IL17B: variants seen among roughly 807,000 people sequenced by gnomAD.
IL17B encodes interleukin-17B.
In IL17B, 14 loss-of-function variants were observed where a neutral mutation model predicts 14.7. The observed-to-expected ratio is 0.95, with a 90% CI of 0.63 to 1.49. IL17B has a LOEUF of 1.49. Ranked by LOEUF, IL17B falls within the 40% of genes most tolerant of loss-of-function variation. The pLI, the probability that IL17B is intolerant of heterozygous loss-of-function variation, is 0.00. For missense variants in IL17B, 233 were observed against 252.8 expected (o/e 0.92, Z 0.53); for synonymous variants, 105 against 94.8 (o/e 1.11, Z -0.62).
intron 1 of IL17B, among the ~76,000 whole-genome samples, chr5:149,393,693 T>TC (rs1160677435): frequency 6.6e-6 from 1 of 152,158 alleles, no homozygotes; most frequent in Non-Finnish European, 1.5e-5. Flanking sequence ...TTCTTTTTTT[T>TC]CTTCCTTCCT....
rs925742943 is a variant in IL17B, at chr5:149,387,606, C to CA, written n.96-10582dup. Among the ~76,000 whole-genome samples the CA allele has an allele frequency of 1.4e-4, 21 of 150,768 alleles. 1 individual carries two copies. Among genetic ancestry groups the CA allele is most frequent in the Admixed American group, 1.3e-4 (2 of 15,094 alleles). On this transcript the variant is annotated intron_variant and non_coding_transcript_variant, in intron 1 of 2. Transcript: ENST00000505432. ...CAACATAGCGAGATCCTCGTCTCTA[C>CA]AAAAAAATAATTTAAAAATTAGCCA... is the stretch of plus-strand genomic sequence containing the variant.
At position 149,376,623 on chromosome 5, in the gene IL17B, T is replaced by C. The variant is rs1286725515; in HGVS notation, c.311+113A>G. ...AGGCAAGTAAGAGGCAGAGCTAGGGTTCGAACCCAAGCACCCAGACCTCTG... is the reference window on the plus strand; with the variant it reads ...AGGCAAGTAAGAGGCAGAGCTAGGGCTCGAACCCAAGCACCCAGACCTCTG... On this transcript the variant is annotated intron_variant, in intron 2 of 2. Coordinates refer to ENST00000261796, the MANE Select transcript of IL17B (RefSeq NM_014443.3). The C allele has an allele frequency of 2.9e-6, 4 of 1,377,688 alleles. No individual in the cohort carries two copies. The African/African-American group carries it at 4.4e-5, about 15-fold the overall frequency. The allele number at this position is 1,377,688 out of a possible 1,614,324, so 85.3% of individuals were successfully genotyped here.
At chr5:149,393,766 C>A (rs532158598) in intron 1 of IL17B, among the ~76,000 whole-genome samples, 1 of 152,210 alleles carries the variant, frequency 6.6e-6, no homozygotes, top group East Asian at 1.9e-4. Context: ...TGGATCCAGC[C>A]ATACCTAAAG....
At chr5:149,402,486 A>C (rs190556465) in intron 1 of IL17B, among the ~76,000 whole-genome samples, 37 of 152,104 alleles carry the variant, frequency 2.4e-4, no homozygotes, top group African/African-American at 8.7e-4. Flanking sequence ...GCCATTCCCA[A>C]AGATACTACC....
At chr5:149,379,083 A>G in intron 1 of IL17B, 122 bp downstream of exon 1, 2 of 1,174,202 alleles carry the variant, frequency 1.7e-6, no homozygotes, top group Admixed American at 3.6e-5. Context: ...GGGAGAAGAC[A>G]GAGAAGTTGC....
At chr5:149,382,755 A>G (rs373683887), upstream of IL17B, among the ~76,000 whole-genome samples, 12 of 152,350 alleles carry the variant, frequency 7.9e-5, 1 homozygote, top group African/African-American at 2.9e-4. Flanking sequence ...GCCTTGACCC[A>G]TGGCCTCAAA....
intron 1 of IL17B, among the ~76,000 whole-genome samples, chr5:149,394,825 TC>T (rs1360679324): frequency 1.3e-5 from 2 of 152,218 alleles, no homozygotes; most frequent in Non-Finnish European, 2.9e-5. Flanking sequence ...CTTCTGTGAT[TC>T]TATATACATG....
At chr5:149,378,297 T>C (rs1480292941) in intron 1 of IL17B, among the ~76,000 whole-genome samples, 1 of 152,112 alleles carries the variant, frequency 6.6e-6, no homozygotes, top group African/African-American at 2.4e-5. Context: ...GAGCCTTCCC[T>C]CTTCCAGCCA....
Position 149,376,924 on chromosome 5 carries a change from G to A in IL17B, c.123C>T (p.Gly41=), listed in dbSNP as rs765799442. Residue 41 remains glycine, a synonymous_variant, in exon 2 of 3, where the codon GGC becomes GGT. Transcript: ENST00000261796. ...GQGRPGPLAP[G]PHQVPLDLVS... ...CCAGGTCCAGTGGCACCTGGTGAGG[G>A]CCAGGGGCCAGGGGCCCAGGCCGCC... is the stretch of plus-strand genomic sequence containing the variant. The A allele has an allele frequency of 1.2e-6, 2 of 1,613,386 alleles. No individual in the cohort carries two copies. The highest frequency in any genetic ancestry group is 8.5e-7 in the Non-Finnish European group (1 of 1,179,820).
intron 1 of IL17B, among the ~76,000 whole-genome samples, chr5:149,378,000 C>T (rs1040076018): frequency 7.9e-5 from 12 of 151,962 alleles, no homozygotes; most frequent in Non-Finnish European, 1.2e-4. Context: ...AAAAATTAGC[C>T]GGGTGTGGTG....
At chr5:149,382,591 C>T (rs1393562913), upstream of IL17B, among the ~76,000 whole-genome samples, 1 of 152,268 alleles carries the variant, frequency 6.6e-6, no homozygotes, top group Non-Finnish European at 1.5e-5. Context: ...TGGTTAACCA[C>T]TTGCCCAAAG....
intron 1 of IL17B, among the ~76,000 whole-genome samples, chr5:149,384,313 G>A (rs1187810474): frequency 2.6e-5 from 4 of 152,090 alleles, no homozygotes; most frequent in Non-Finnish European, 5.9e-5. Flanking sequence ...GTTTCCTCAC[G>A]GGGTTGTTAA....
intron 1 of IL17B, among the ~76,000 whole-genome samples, chr5:149,399,135 C>A (rs1386543413): frequency 6.6e-6 from 1 of 152,190 alleles, no homozygotes; most frequent in East Asian, 1.9e-4. Context: ...CTTCCCACAA[C>A]ACATGGGAAC....
intron 1 of IL17B, among the ~76,000 whole-genome samples, chr5:149,384,802 GGAAAAGA>G (rs1758787066): frequency 6.6e-6 from 1 of 152,060 alleles, no homozygotes; most frequent in Non-Finnish European, 1.5e-5. Flanking sequence ...GGACTGCCCT[GGAAAAGA>G]GTGATCTCTC....
At chr5:149,389,978 G>A (rs1000275686) in intron 1 of IL17B, among the ~76,000 whole-genome samples, 7 of 152,096 alleles carry the variant, frequency 4.6e-5, no homozygotes, top group East Asian at 1.9e-4. Context: ...GAGGGGAGAC[G>A]AGGACAAACA....
chr5:149,387,851 C>T (rs1758857011), intron 1 of IL17B, among the ~76,000 whole-genome samples: 1 of 149,882 alleles, frequency 6.7e-6, no homozygotes, highest in Non-Finnish European at 1.5e-5. Context: ...GCTGGATCAA[C>T]ACGTGAATGT....
At chr5:149,389,924 A>G (rs886272037) in intron 1 of IL17B, among the ~76,000 whole-genome samples, 13 of 152,172 alleles carry the variant, frequency 8.5e-5, no homozygotes, top group Non-Finnish European at 4.4e-5. Context: ...GCTGAGGAGT[A>G]TCAGACCGGG....
chr5:149,380,887 G>C (rs1293796953), upstream of IL17B, among the ~76,000 whole-genome samples: 1 of 152,178 alleles, frequency 6.6e-6, no homozygotes. Context: ...CACCATATTT[G>C]GTCAAATACT....
upstream of IL17B, among the ~76,000 whole-genome samples, chr5:149,384,115 A>ATGCAC (rs1758768215): frequency 1.3e-5 from 2 of 152,206 alleles, no homozygotes; most frequent in African/African-American, 2.4e-5. Flanking sequence ...CTCTCTGAGG[A>ATGCAC]TGCACAGTCC....
Sources: gnomAD v4.1 joint callset for allele counts (sites outside exome capture counted in the v4.1 genomes callset) on GRCh38, gnomAD v4.1.1 for gene constraint, MANE v1.5 for transcripts, NCBI Gene and HGNC (gene_info 2026-07-23, HGNC 2026-07-21) for gene names.